SDK1: variants seen among roughly 807,000 people sequenced by gnomAD.
SDK1 encodes protein sidekick-1.
In SDK1, 157 loss-of-function variants were observed where a neutral mutation model predicts 245.5. The observed-to-expected ratio is 0.64, with a 90% CI of 0.56 to 0.73. SDK1 has a LOEUF of 0.73. Ranked by LOEUF, SDK1 falls within the 30% of genes least tolerant of loss-of-function variation. The pLI, the probability that SDK1 is intolerant of heterozygous loss-of-function variation, is 0.00. For missense variants in SDK1, 3,583 were observed against 3,002.3 expected (o/e 1.19, Z -4.52); for synonymous variants, 1,647 against 1,278.5 (o/e 1.29, Z -6.15).
At chr7:4,198,251 C>G (rs1326875690) in intron 35 of SDK1, among the ~76,000 whole-genome samples, 1 of 152,232 alleles carries the variant, frequency 6.6e-6, no homozygotes, top group Non-Finnish European at 1.5e-5. Context: ...TCACACACCC[C>G]CCTCATTTGC....
At chr7:3,726,697 C>G (rs999187079) in intron 4 of SDK1, among the ~76,000 whole-genome samples, 38 of 152,314 alleles carry the variant, frequency 2.5e-4, no homozygotes, top group African/African-American at 9.1e-4. Context: ...ACTGTGTTCT[C>G]TCATATAATC....
chr7:3,791,903 C>A (rs1337546998), intron 4 of SDK1, among the ~76,000 whole-genome samples: 1 of 151,954 alleles, frequency 6.6e-6, no homozygotes, highest in Non-Finnish European at 1.5e-5. Flanking sequence ...GCGGGAGGGT[C>A]ACCTGAGCCC....
intron 2 of SDK1, among the ~76,000 whole-genome samples, chr7:3,634,830 GCTT>G (rs757212907): frequency 2.0e-5 from 3 of 152,170 alleles, no homozygotes; most frequent in African/African-American, 4.8e-5. Flanking sequence ...CTCTATTTCT[GCTT>G]CTTGTTTGAA....
At chr7:4,087,172 A>G (rs1781476678) in intron 22 of SDK1, among the ~76,000 whole-genome samples, 2 of 152,152 alleles carry the variant, frequency 1.3e-5, no homozygotes, top group African/African-American at 4.8e-5. Flanking sequence ...TTACATTTAG[A>G]ACTCCATCCA....
At chr7:4,185,233 TC>T (rs1057235050) in intron 35 of SDK1, among the ~76,000 whole-genome samples, 13 of 152,190 alleles carry the variant, frequency 8.5e-5, no homozygotes, top group African/African-American at 2.9e-4. Flanking sequence ...CAGAAATTTT[TC>T]TGGTGGAGGT....
intron 1 of SDK1, among the ~76,000 whole-genome samples, chr7:3,531,537 G>C (rs887635542): frequency 1.3e-5 from 2 of 152,176 alleles, no homozygotes; most frequent in South Asian, 2.1e-4. Flanking sequence ...AGTTTGGTTA[G>C]AACATAGTGT....
At position 4,077,116 on chromosome 7, in the gene SDK1, C is replaced by G. The variant is rs557450831; in HGVS notation, c.3129C>G (p.Ile1043Met). The G allele has an allele frequency of 6.2e-7, 1 of 1,614,234 alleles. No homozygotes were observed. Among genetic ancestry groups the G allele is most frequent in the Non-Finnish European group, 8.5e-7 (1 of 1,180,042 alleles). Reference protein sequence around the residue: ...QGLSSLTTYTIDVAAVTAVGT... With the variant: ...QGLSSLTTYTMDVAAVTAVGT... ...TCTCATCTCTCACCACCTACACCAT[C>G]GACGTGGCCGCTGTGACTGCCGTGG... The change falls in exon 21 of 45, where the codon ATC becomes ATG. Residue 1043 changes from isoleucine (I) to methionine (M), a missense_variant. Coordinates refer to ENST00000404826, the MANE Select transcript of SDK1 (RefSeq NM_152744.4).
chr7:3,952,252 A>T, intron 7 of SDK1: 1 of 330,680 alleles, frequency 3.0e-6, no homozygotes. Flanking sequence ...TGTAACTCTT[A>T]TTTGGCTATC....
chr7:3,665,097 G>A (rs1783486013), intron 4 of SDK1, among the ~76,000 whole-genome samples: 1 of 152,110 alleles, frequency 6.6e-6, no homozygotes, highest in Admixed American at 6.5e-5. Flanking sequence ...TGGACTCTCT[G>A]GCTGTTGTTT....
chr7:4,211,376 G>A (rs1396347080), intron 38 of SDK1, among the ~76,000 whole-genome samples: 1 of 152,112 alleles, frequency 6.6e-6, no homozygotes, highest in Non-Finnish European at 1.5e-5. Flanking sequence ...GAGTGAGGAG[G>A]CCGGCCGGGG....
chr7:3,711,059 G>C (rs1020481675), intron 4 of SDK1, among the ~76,000 whole-genome samples: 2 of 152,098 alleles, frequency 1.3e-5, no homozygotes, highest in African/African-American at 4.8e-5. Context: ...GGTATAATTT[G>C]ATGGCAACTT....
intron 2 of SDK1, among the ~76,000 whole-genome samples, chr7:3,622,819 G>T (rs183766182): frequency 1.3e-5 from 2 of 152,170 alleles, no homozygotes; most frequent in Admixed American, 1.3e-4. Flanking sequence ...ATTGTTTGGG[G>T]TATTTGTGAT....
chr7:4,037,850 G>A (rs535990193), intron 17 of SDK1, among the ~76,000 whole-genome samples: 1 of 152,224 alleles, frequency 6.6e-6, no homozygotes, highest in African/African-American at 2.4e-5. Flanking sequence ...ATTGAATTTT[G>A]CTATAAAGTG....
In SDK1 at chr7:4,267,399, T is replaced by C; in HGVS notation, c.*2015T>C. 1.0e-6 allele frequency: 1 copy of C among 984,258 alleles called. No individual in the cohort carries two copies. Among genetic ancestry groups the C allele is most frequent in the Non-Finnish European group, 1.2e-6 (1 of 829,690 alleles). The allele number at this position is 984,258 out of a possible 1,614,324, so 61.0% of individuals were successfully genotyped here. On this transcript the variant is annotated 3_prime_UTR_variant, in exon 45 of 45. Transcript: ENST00000404826. ...GGGAAATATTCTAAACCAAAAATCCTAGATGCTCTGCCCAAAGCCACTTCT... is the reference window on the plus strand; with the variant it reads ...GGGAAATATTCTAAACCAAAAATCCCAGATGCTCTGCCCAAAGCCACTTCT...
At chr7:3,536,210 C>G (rs1778882516) in intron 1 of SDK1, among the ~76,000 whole-genome samples, 1 of 149,190 alleles carries the variant, frequency 6.7e-6, no homozygotes, top group South Asian at 2.2e-4. Flanking sequence ...GCGCCCGCCA[C>G]CACACCCAGC....
rs191756510 is a variant in SDK1, at chr7:3,361,189, G to A, written c.298+59305G>A. Among the ~76,000 whole-genome samples the A allele has an allele frequency of 7.6e-3, 1,152 of 152,280 alleles. 7 individuals carry two copies. The highest frequency in any genetic ancestry group is 0.012 in the Non-Finnish European group (797 of 68,020). On this transcript the variant is annotated intron_variant, in intron 1 of 44. Coordinates refer to ENST00000404826, the MANE Select transcript of SDK1 (RefSeq NM_152744.4). ...TTTATGGCCAGGTGTGGTGGCTCAT[G>A]CCTGTAAACTCTTCGGGAGATTGAA...
intron 5 of SDK1, among the ~76,000 whole-genome samples, chr7:3,881,222 G>C (rs139066331): frequency 1.3e-5 from 2 of 152,142 alleles, no homozygotes; most frequent in Non-Finnish European, 2.9e-5. Flanking sequence ...AGCCCAGCAT[G>C]CATTAGTTAT....
At chr7:4,240,360 AAC>A (rs1049507730) in intron 42 of SDK1, among the ~76,000 whole-genome samples, 1 of 151,622 alleles carries the variant, frequency 6.6e-6, no homozygotes, top group Admixed American at 6.6e-5. Flanking sequence ...GCAGAACTTA[AAC>A]CTCTGTTGTG....
intron 4 of SDK1, among the ~76,000 whole-genome samples, chr7:3,787,988 C>T (rs1201815256): frequency 1.3e-5 from 2 of 152,098 alleles, no homozygotes; most frequent in African/African-American, 2.4e-5. Context: ...TTAGAGAGCC[C>T]GTGGGAGGAC....
Sources: allele counts gnomAD v4.1 joint callset (sites outside exome capture counted in the v4.1 genomes callset), GRCh38; gene constraint gnomAD v4.1.1; transcripts MANE v1.5; gene names NCBI Gene and HGNC (gene_info 2026-07-23, HGNC 2026-07-21).